The following MYO18B variants were observed in gnomAD, a reference collection of about 807,000 sequenced individuals.
The protein encoded by MYO18B is myosin XVIIIB.
MYO18B carries 204 observed loss-of-function variants against 273.0 expected under a neutral mutation model. That is an observed-to-expected ratio of 0.75 (90% CI 0.67 to 0.84). The LOEUF (loss-of-function observed/expected upper bound fraction) is 0.84. MYO18B is among the 40% of genes least tolerant of loss of function. The pLI, the probability that MYO18B is intolerant of heterozygous loss-of-function variation, is 0.00. For synonymous variants in MYO18B, 1,330 were observed against 1,305.7 expected (o/e 1.02, Z -0.40); for missense variants, 3,212 against 3,287.6 (o/e 0.98, Z 0.56).
At position 25,797,979 on chromosome 22, in the gene MYO18B, T is replaced by G. The variant is rs1031099438; in HGVS notation, c.2403T>G (p.Ala801=). ...CTGAAGATAAACAGAAGGCGGCAGC[T>G]GCCTTTGCCCAGCTCCAGGGTGCCA... ...SKPEDKQKAA[A]AFAQLQGAME... The change falls in exon 12 of 44, where the codon GCT becomes GCG. Residue 801 remains alanine, a synonymous_variant. Coordinates refer to ENST00000335473, the MANE Select transcript of MYO18B (RefSeq NM_032608.7). 1 of 1,613,894 alleles carries G rather than the reference T, an allele frequency of 6.2e-7. No homozygotes were observed. Among genetic ancestry groups the G allele is most frequent in the African/African-American group, 1.3e-5 (1 of 74,936 alleles).
intron 33 of MYO18B, among the ~76,000 whole-genome samples, chr22:25,919,266 TAAAGAC>T (rs1397434642): frequency 1.3e-5 from 2 of 152,150 alleles, no homozygotes; most frequent in Admixed American, 6.5e-5. Flanking sequence ...TTTTCAGAAT[TAAAGAC>T]TAAAACACAC....
At chr22:25,837,663 C>G (rs187125720) in intron 17 of MYO18B, among the ~76,000 whole-genome samples, 121 of 152,306 alleles carry the variant, frequency 7.9e-4, no homozygotes, top group Middle Eastern at 3.4e-3. Flanking sequence ...GATTCCTGTG[C>G]CCATATCAGG....
intron 28 of MYO18B, 131 bp downstream of exon 28, chr22:25,895,411 T>C (rs2091775617): frequency 9.5e-7 from 1 of 1,055,208 alleles, no homozygotes; most frequent in Non-Finnish European, 1.3e-6. Flanking sequence ...TTAAGGTTTT[T>C]CCATCTCCAC....
At chr22:25,756,213 T>G (rs1388037217) in intron 1 of MYO18B, 2 of 152,294 alleles carry the variant, frequency 1.3e-5, no homozygotes, top group Non-Finnish European at 2.9e-5. Flanking sequence ...TCTTTATAAC[T>G]TACTCAGCCC....
intron 25 of MYO18B, among the ~76,000 whole-genome samples, chr22:25,884,323 A>T (rs1382053796): frequency 6.6e-6 from 1 of 152,194 alleles, no homozygotes; most frequent in African/African-American, 2.4e-5. Context: ...ACCACATCCC[A>T]GGTCTCCTGA....
At position 25,768,392 on chromosome 22, in the gene MYO18B, A is replaced by G; in HGVS notation, c.476A>G (p.Lys159Arg). The part of the protein sequence containing the change: ...RRGDVLLMVA[K>R]LDPDSAKPEK... ...GGTGATGTGTTGTTGATGGTGGCCAAGCTGGACCCGGACTCAGCCAAGCCA... is the reference window on the plus strand; with the variant it reads ...GGTGATGTGTTGTTGATGGTGGCCAGGCTGGACCCGGACTCAGCCAAGCCA... Residue 159 changes from lysine (K) to arginine (R), a missense_variant, in exon 4 of 44, where the codon AAG (lysine) becomes AGG (arginine). Transcript: ENST00000335473. 1 of 1,613,918 alleles carries G rather than the reference A, an allele frequency of 6.2e-7. No homozygotes were observed. The highest frequency in any genetic ancestry group is 8.5e-7 in the Non-Finnish European group (1 of 1,179,856).
At chr22:25,911,103 G>T in intron 33 of MYO18B, 53 bp downstream of exon 33, 1 of 1,339,998 alleles carries the variant, frequency 7.5e-7, no homozygotes, top group Non-Finnish European at 1.0e-6. Flanking sequence ...GGACCTATTT[G>T]AGAGATGGGC....
At chr22:25,835,576 C>A in intron 17 of MYO18B, 133 bp downstream of exon 17, 1 of 1,069,756 alleles carries the variant, frequency 9.3e-7, no homozygotes, top group Non-Finnish European at 1.4e-6. Context: ...TGTGCATGAG[C>A]CTGTGTATGC....
At chr22:25,830,522 G>A in intron 15 of MYO18B, among the ~76,000 whole-genome samples, 1 of 152,178 alleles carries the variant, frequency 6.6e-6, no homozygotes, top group East Asian at 1.9e-4. Flanking sequence ...TCATGCGTGG[G>A]ATCAGCTGGC....
intron 20 of MYO18B, among the ~76,000 whole-genome samples, chr22:25,850,747 T>G (rs1179690272): frequency 6.6e-6 from 1 of 152,140 alleles, no homozygotes; most frequent in Admixed American, 6.5e-5. Flanking sequence ...AATTTTTGTA[T>G]TTTTTGTAGA....
intron 40 of MYO18B, among the ~76,000 whole-genome samples, chr22:26,000,987 A>G (rs1771164610): frequency 2.0e-5 from 3 of 152,192 alleles, no homozygotes; most frequent in Non-Finnish European, 4.4e-5. Flanking sequence ...CCTTGTGGCT[A>G]GTTCTTTTCC....
chr22:25,965,365 A>G (rs1388207751), intron 39 of MYO18B, among the ~76,000 whole-genome samples: 1 of 152,222 alleles, frequency 6.6e-6, no homozygotes, highest in South Asian at 2.1e-4. Context: ...GAAAAAGCCC[A>G]TTGATGATTA....
chr22:25,947,198 A>C (rs750892730), intron 35 of MYO18B, among the ~76,000 whole-genome samples: 17 of 151,986 alleles, frequency 1.1e-4, no homozygotes, highest in Non-Finnish European at 1.9e-4. Flanking sequence ...CCAGGCACAC[A>C]TACAAAATAA....
intron 34 of MYO18B, among the ~76,000 whole-genome samples, chr22:25,936,188 T>C (rs2092576126): frequency 6.6e-6 from 1 of 152,188 alleles, no homozygotes; most frequent in Non-Finnish European, 1.5e-5. Flanking sequence ...GAGGGCCTTT[T>C]TTGGATGTTT....
rs909623575 is a variant in MYO18B, at chr22:25,847,616, T to A, written c.3739T>A (p.Phe1247Ile). The A allele has an allele frequency of 1.9e-6, 3 of 1,562,672 alleles. No individual in the cohort carries two copies. In the African/African-American group the frequency reaches 4.1e-5, roughly 21 times the overall value. Reference sequence around the variant, plus strand: ...AGCACTGAGGGTCCAGCTTGCTGGGTTCCACATCCTGGAGGCTCTGCGTCT... The same window carrying A: ...AGCACTGAGGGTCCAGCTTGCTGGGATCCACATCCTGGAGGCTCTGCGTCT... ...IPALRVQLAGFHILEALRLHR... is the reference protein window; with the variant it reads ...IPALRVQLAGIHILEALRLHR... Residue 1247 changes from phenylalanine to isoleucine, a missense_variant, in exon 20 of 44, where the codon TTC becomes ATC. Coordinates refer to ENST00000335473, the MANE Select transcript of MYO18B (RefSeq NM_032608.7).
intron 23 of MYO18B, among the ~76,000 whole-genome samples, 198 bp downstream of exon 23, chr22:25,874,612 C>G (rs1049048852): frequency 6.6e-6 from 1 of 152,188 alleles, no homozygotes; most frequent in Admixed American, 6.5e-5. Context: ...GTCGGCCTTG[C>G]GCTAGGTAGC....
chr22:25,922,890 C>T (rs1020208591), intron 34 of MYO18B, among the ~76,000 whole-genome samples: 1 of 152,208 alleles, frequency 6.6e-6, no homozygotes, highest in African/African-American at 2.4e-5. Context: ...AAGACCTCAA[C>T]CAAAACAAAA....
intron 14 of MYO18B, among the ~76,000 whole-genome samples, 162 bp downstream of exon 14, chr22:25,826,661 T>C (rs935277693): frequency 2.1e-4 from 32 of 152,236 alleles, no homozygotes; most frequent in Admixed American, 2.1e-3. Flanking sequence ...CCACTGGCTG[T>C]GAGGTCGGCA....
At position 25,934,034 on chromosome 22, in the gene MYO18B, G is replaced by A. The variant is rs183623230; in HGVS notation, c.5518-12103G>A. Among the ~76,000 whole-genome samples the A allele has an allele frequency of 5.9e-5, 9 of 152,322 alleles. 1 individual carries two copies. Among genetic ancestry groups the A allele is most frequent in the South Asian group, 4.1e-4 (2 of 4,822 alleles). On this transcript the variant is annotated intron_variant, in intron 34 of 43. Coordinates refer to ENST00000335473, the MANE Select transcript of MYO18B (RefSeq NM_032608.7). ...CAGTTGTTGGCATTTTAGCCATTCC[G>A]AGGGAAGGAGAATATTTTTTATTCT...
Sources: allele counts gnomAD v4.1 joint callset (sites outside exome capture counted in the v4.1 genomes callset), GRCh38; gene constraint gnomAD v4.1.1; transcripts MANE v1.5; gene names NCBI Gene and HGNC (gene_info 2026-07-23, HGNC 2026-07-21).